Variants in ADGRL3 observed in about 807,000 individuals in gnomAD.
The protein encoded by ADGRL3 is calcium-independent alpha-latrotoxin receptor 3.
Under a neutral mutation model 153.5 loss-of-function variants are expected in ADGRL3, and 62 were observed. The ratio of observed to expected loss-of-function variants is 0.40; its 90% CI spans 0.33 to 0.50. ADGRL3 has a LOEUF of 0.50. ADGRL3 is among the 20% of genes least tolerant of loss of function. ADGRL3 has a pLI of 0.47. For missense variants in ADGRL3, 1,641 were observed against 1,859.4 expected (o/e 0.88, Z 2.16); for synonymous variants, 710 against 672.5 (o/e 1.06, Z -0.86).
At chr4:61,911,913 G>A (rs898536957) in intron 12 of ADGRL3, among the ~76,000 whole-genome samples, 7 of 152,056 alleles carry the variant, frequency 4.6e-5, no homozygotes, top group Non-Finnish European at 8.8e-5. Context: ...TTTAAACATG[G>A]TGGATGAACT....
intron 5 of ADGRL3, among the ~76,000 whole-genome samples, chr4:61,599,878 T>G (rs1326651525): frequency 6.6e-6 from 1 of 152,164 alleles, no homozygotes; most frequent in African/African-American, 2.4e-5. Context: ...TTACTCCAAG[T>G]TTAATTTTAT....
intron 1 of ADGRL3, among the ~76,000 whole-genome samples, chr4:61,276,428 TCTG>T (rs2093464765): frequency 6.6e-6 from 1 of 152,194 alleles, no homozygotes; most frequent in Non-Finnish European, 1.5e-5. Flanking sequence ...AGCATTCAAT[TCTG>T]CTATATATGA....
intron 1 of ADGRL3, among the ~76,000 whole-genome samples, chr4:61,374,020 G>A (rs771381114): frequency 6.6e-6 from 1 of 151,944 alleles, no homozygotes; most frequent in Non-Finnish European, 1.5e-5. Flanking sequence ...TTCATCAAGG[G>A]GGTTAACTTT....
intron 1 of ADGRL3, among the ~76,000 whole-genome samples, chr4:61,249,756 C>T (rs149501982): frequency 2.6e-5 from 4 of 152,254 alleles, no homozygotes; most frequent in African/African-American, 7.2e-5. Flanking sequence ...ATACTATGCA[C>T]GATTAGCAGT....
At chr4:61,487,499 A>G (rs2098209811) in intron 2 of ADGRL3, among the ~76,000 whole-genome samples, 1 of 152,054 alleles carries the variant, frequency 6.6e-6, no homozygotes, top group South Asian at 2.1e-4. Context: ...TTCTCTGTAG[A>G]TTTTGGAATA....
intron 9 of ADGRL3, among the ~76,000 whole-genome samples, chr4:61,846,471 T>G (rs2098117755): frequency 6.6e-6 from 1 of 152,130 alleles, no homozygotes; most frequent in Non-Finnish European, 1.5e-5. Flanking sequence ...CCATCTAGCC[T>G]TCTGTTAATG....
At chr4:61,365,251 C>A (rs373168724) in intron 1 of ADGRL3, among the ~76,000 whole-genome samples, 3 of 149,122 alleles carry the variant, frequency 2.0e-5, no homozygotes, top group Admixed American at 6.7e-5. Flanking sequence ...AAAAAAATTA[C>A]AAAAAAAAAA....
intron 19 of ADGRL3, among the ~76,000 whole-genome samples, chr4:61,985,350 T>G (rs929159637): frequency 2.0e-5 from 3 of 152,076 alleles, no homozygotes; most frequent in African/African-American, 7.2e-5. Context: ...AGAGGAACTT[T>G]TCCTTCAAGT....
chr4:61,294,251 G>A (rs894095005), intron 1 of ADGRL3, among the ~76,000 whole-genome samples: 7 of 152,132 alleles, frequency 4.6e-5, no homozygotes, highest in Middle Eastern at 3.2e-3. Context: ...GAGTACATGT[G>A]TGGTGAGTAC....
At chr4:61,589,943 G>A (rs1291069630) in intron 5 of ADGRL3, among the ~76,000 whole-genome samples, 3 of 152,052 alleles carry the variant, frequency 2.0e-5, no homozygotes, top group Non-Finnish European at 4.4e-5. Context: ...GTCTAGAGAA[G>A]CCACTTTCTT....
At chr4:61,621,859 A>C (rs546545905) in intron 5 of ADGRL3, among the ~76,000 whole-genome samples, 63 of 152,206 alleles carry the variant, frequency 4.1e-4, no homozygotes, top group African/African-American at 1.5e-3. Flanking sequence ...TTTGCCTTAA[A>C]AGGAGAAAAA....
At chr4:61,621,649 C>T (rs184019573) in intron 5 of ADGRL3, among the ~76,000 whole-genome samples, 53 of 152,154 alleles carry the variant, frequency 3.5e-4, no homozygotes, top group African/African-American at 1.3e-3. Context: ...CTCGGTTTGA[C>T]AAACATAGCC....
chr4:61,292,866 A>G (rs1458619060), intron 1 of ADGRL3, among the ~76,000 whole-genome samples: 1 of 152,088 alleles, frequency 6.6e-6, no homozygotes, highest in Non-Finnish European at 1.5e-5. Flanking sequence ...TCTTGACCAA[A>G]ACTAAGAGTG....
At chr4:61,429,604 A>G (rs959421882) in intron 2 of ADGRL3, among the ~76,000 whole-genome samples, 1 of 152,238 alleles carries the variant, frequency 6.6e-6, no homozygotes, top group Admixed American at 6.5e-5. Flanking sequence ...TTCTCTTTGA[A>G]TATCAGCAAG....
chr4:62,004,043 T>C (rs1181905803), intron 21 of ADGRL3, among the ~76,000 whole-genome samples: 2 of 152,130 alleles, frequency 1.3e-5, no homozygotes, highest in East Asian at 3.8e-4. Flanking sequence ...AAGAAACATG[T>C]GTCTAAATGT....
In ADGRL3 at chr4:62,011,071, G is replaced by A. The variant is rs568937579; in HGVS notation, c.3395+12806G>A. Among the ~76,000 whole-genome samples the A allele has an allele frequency of 6.6e-5, 10 of 152,108 alleles. No individual in the cohort carries two copies. The East Asian group carries it at 1.9e-3, about 29-fold the overall frequency. On this transcript the variant is annotated intron_variant, in intron 21 of 26. Transcript: ENST00000683033. ...GCTTATTTATTTTAGCGTAGTTTCA[G>A]CTCCTAAACAACTACACAAGAAATA...
intron 4 of ADGRL3, among the ~76,000 whole-genome samples, chr4:61,536,464 C>T (rs1223401031): frequency 1.3e-5 from 2 of 151,996 alleles, no homozygotes; most frequent in East Asian, 3.9e-4. Context: ...CTATCTACTG[C>T]TCTCAGTGCG....
At chr4:61,988,435 A>G (rs2099093344) in intron 19 of ADGRL3, among the ~76,000 whole-genome samples, 1 of 152,060 alleles carries the variant, frequency 6.6e-6, no homozygotes, top group Non-Finnish European at 1.5e-5. Context: ...TGTCTCTCAT[A>G]CTGTTATTCA....
intron 11 of ADGRL3, among the ~76,000 whole-genome samples, chr4:61,909,339 C>A (rs1346744409): frequency 1.3e-5 from 2 of 152,080 alleles, no homozygotes; most frequent in African/African-American, 2.4e-5. Context: ...AGTAAGTTTC[C>A]TCAGGAGGAG....
Sources: gnomAD v4.1 joint callset for allele counts (sites outside exome capture counted in the v4.1 genomes callset) on GRCh38, gnomAD v4.1.1 for gene constraint, MANE v1.5 for transcripts, NCBI Gene and HGNC (gene_info 2026-07-23, HGNC 2026-07-21) for gene names.